TGM1: variants seen among roughly 807,000 people sequenced by gnomAD.
TGM1 encodes protein-glutamine gamma-glutamyltransferase K.
In TGM1, 63 loss-of-function variants were observed where a neutral mutation model predicts 88.7. The ratio of observed to expected loss-of-function variants is 0.71; its 90% CI spans 0.58 to 0.88. TGM1 has a LOEUF of 0.88. Among genes scored for constraint, TGM1 ranks in the 40% least tolerant of loss-of-function variants. The pLI is 0.00. For synonymous variants in TGM1, 415 were observed against 431.1 expected, an observed-to-expected ratio of 0.96 and a Z score of 0.46; for missense variants, 996 against 1,118.0, an observed-to-expected ratio of 0.89 and a Z score of 1.56.
chr14:24,257,547 C>G (rs2040764248), intron 9 of TGM1, among the ~76,000 whole-genome samples: 2 of 152,166 alleles, frequency 1.3e-5, no homozygotes, highest in East Asian at 3.8e-4. Context: ...AGCAATGGAA[C>G]AGACAGGAAG....
rs2040742823 is a variant in TGM1 at position 24,255,460 on chromosome 14, A to G, written c.1549T>C (p.Tyr517His). 1 of 1,613,980 alleles carries G rather than the reference A, an allele frequency of 6.2e-7. No homozygotes were observed. The highest frequency in any genetic ancestry group is 1.1e-5 in the South Asian group (1 of 91,074). The part of the protein sequence containing the change: ...RQDDGSFKIV[Y>H]VEEKAIGTLI... ...GTGCCGATGGCCTTCTCCTCCACATAAACAATCTTGAAGCTGCCATCATCC... is the reference window on the plus strand; with the variant it reads ...GTGCCGATGGCCTTCTCCTCCACATGAACAATCTTGAAGCTGCCATCATCC... The change falls in exon 11 of 15, where the codon TAT becomes CAT. Residue 517 changes from tyrosine (Y) to histidine (H), a missense_variant. By Grantham distance (83) the Tyr-to-His change is moderately conservative. Coordinates refer to ENST00000206765, the MANE Select transcript of TGM1 (RefSeq NM_000359.3). This position sits in a 1 kb window ranked among gnomAD's most constrained non-coding sequence, Gnocchi z 4.0.
At chr14:24,260,802 G>T in intron 3 of TGM1, 104 bp from the exon 4 acceptor site, 1 of 1,487,434 alleles carries the variant, frequency 6.7e-7, no homozygotes, top group Admixed American at 1.7e-5. Context: ...GAGCCACTGT[G>T]TATGTCCCTA....
chr14:24,256,800 A>G (rs2040755170), intron 9 of TGM1, among the ~76,000 whole-genome samples: 1 of 152,232 alleles, frequency 6.6e-6, no homozygotes, highest in African/African-American at 2.4e-5. Flanking sequence ...AGTTCATGCC[A>G]GGATCTCACA....
rs753278878 is a variant in TGM1, at chr14:24,255,161, C to A, written c.1738G>T (p.Ala580Ser). Residue 580 changes from alanine to serine, a missense_variant, in exon 12 of 15, where the codon GCC becomes TCC. Coordinates refer to ENST00000206765, the MANE Select transcript of TGM1 (RefSeq NM_000359.3). This position sits in a 1 kb window ranked among gnomAD's most constrained non-coding sequence, Gnocchi z 4.0. ...YANRGSAEDV[A>S]MQVEAQDAVM... ...GCGTCCTGTGCCTCCACCTGCATGG[C>A]CACATCCTCCGCTGAGCCCCGGTTG... 2.5e-6 allele frequency: 4 copies of A among 1,614,110 alleles called. No individual in the cohort carries two copies. Among genetic ancestry groups the A allele is most frequent in the Non-Finnish European group, 3.4e-6 (4 of 1,180,042 alleles).
intron 14 of TGM1, among the ~76,000 whole-genome samples, chr14:24,250,179 T>TGTGTGTGTGAGAGAGAGAGAGAGA (rs138497842): frequency 9.2e-5 from 13 of 140,700 alleles, no homozygotes; most frequent in African/African-American, 3.5e-4. Context: ...TGTGTGTGTG[T>TGTGTGTGTGAGAGAGAGAGAGAGA]GAGAGAGACA....
rs746278667 is a variant in TGM1, at chr14:24,249,488, C to T, written c.2279G>A (p.Arg760Gln). The T allele has an allele frequency of 1.4e-5, 22 of 1,613,952 alleles. No homozygotes were observed. The highest frequency in any genetic ancestry group is 1.7e-5 in the Admixed American group (1 of 59,996). The change falls in exon 15 of 15, where the codon CGA becomes CAA. Residue 760 changes from arginine to glutamine, a missense_variant. Coordinates refer to ENST00000206765, the MANE Select transcript of TGM1 (RefSeq NM_000359.3). ...VTLRQSFVPVRPGPRQLIASL... is the reference protein window; with the variant it reads ...VTLRQSFVPVQPGPRQLIASL... ...GGCAATGAGCTGGCGGGGGCCTGGT[C>T]GCACAGGCACAAACGACTGGCGCAG...
At position 24,262,199 on chromosome 14, in the gene TGM1, A is replaced by AACAGCAGCC; in HGVS notation, c.145_153dup (p.Gly49_Cys51dup). 1.2e-6 allele frequency: 2 copies of AACAGCAGCC among 1,613,724 alleles called. No homozygotes were observed. Among genetic ancestry groups the AACAGCAGCC allele is most frequent in the Non-Finnish European group, 1.7e-6 (2 of 1,180,036 alleles). On this transcript the variant is annotated inframe_insertion, in exon 2 of 15. Transcript: ENST00000206765. ...TCGTCATCTGCCGCATTTCGGCATG[A>AACAGCAGCC]ACAGCAGCCACAGCAGCGAGCCCAG...
In TGM1 at chr14:24,259,342, A is replaced by G; in HGVS notation, c.985-93T>C. 1.6e-6 allele frequency: 2 copies of G among 1,258,268 alleles called. No homozygotes were observed. The highest frequency in any genetic ancestry group is 1.9e-4 in the Middle Eastern group (1 of 5,280). 77.9% of individuals were successfully genotyped at this position (1,258,268 alleles called of 1,614,324 possible). On this transcript the variant is annotated intron_variant, in intron 6 of 14. Transcript: ENST00000206765. The surrounding 1 kb of genome is among the most constrained non-coding windows in gnomAD (Gnocchi z 5.7). ...GGGACCAGCCGGGCCCCGATCCTGC[A>G]ACCACCCCTTACCCCTAAATGCCTC...
intron 14 of TGM1, among the ~76,000 whole-genome samples, chr14:24,252,421 G>C (rs956105826): frequency 1.3e-5 from 2 of 152,236 alleles, no homozygotes; most frequent in African/African-American, 2.4e-5. Flanking sequence ...GCCTGGTGGG[G>C]CTGCTGAGGC....
intron 12 of TGM1, 41 bp from the exon 13 acceptor site, chr14:24,254,865 T>C (rs778682252): frequency 1.2e-6 from 2 of 1,613,160 alleles, no homozygotes; most frequent in South Asian, 2.2e-5. Context: ...CCTGCTTCCC[T>C]ACATGAGGCT....
At chr14:24,250,435 CTCTA>C (rs1288465278) in intron 14 of TGM1, among the ~76,000 whole-genome samples, 1 of 152,120 alleles carries the variant, frequency 6.6e-6, no homozygotes, top group Non-Finnish European at 1.5e-5. Flanking sequence ...GATCCTGGCT[CTCTA>C]ACTTGACACA....
At chr14:24,261,662 G>A (rs1017458232) in intron 3 of TGM1, 33 bp downstream of exon 3, 4 of 1,613,348 alleles carry the variant, frequency 2.5e-6, no homozygotes, top group South Asian at 1.1e-5. Flanking sequence ...CAAACATAGG[G>A]CCTTCACCCG....
Position 24,258,556 on chromosome 14 carries a change from T to G in TGM1, c.1277A>C (p.His426Pro). ...YFDENMKPLE[H>P]LNHDSVWNFH... ...TCACCAGACAGAATCATGGTTCAGG[T>G]GCTCCAGGGGCTTCATGTTCTCGTC... The change falls in exon 8 of 15, where the codon CAC (histidine) becomes CCC (proline). Residue 426 changes from histidine to proline, a missense_variant. His to Pro is a moderately conservative substitution (Grantham distance 77). Transcript: ENST00000206765. The G allele has an allele frequency of 1.2e-6, 2 of 1,614,026 alleles. No individual in the cohort carries two copies.
chr14:24,250,308 A>T (rs1421259322), intron 14 of TGM1, among the ~76,000 whole-genome samples: 2 of 152,036 alleles, frequency 1.3e-5, no homozygotes, highest in Non-Finnish European at 2.9e-5. Flanking sequence ...TGATTTCACT[A>T]GTCCTCTAAC....
At chr14:24,258,458 C>G (rs1442724322) in intron 8 of TGM1, 70 bp from the exon 9 acceptor site, 3 of 1,604,382 alleles carry the variant, frequency 1.9e-6, no homozygotes, top group Non-Finnish European at 2.6e-6. Flanking sequence ...CCCAGCCTCC[C>G]CAGCCCTGCC....
intron 9 of TGM1, 52 bp downstream of exon 9, chr14:24,258,233 C>T: frequency 6.8e-7 from 1 of 1,464,628 alleles, no homozygotes. Context: ...CTGTGTTAAT[C>T]AGGTGGGGGA....
At chr14:24,257,791 CT>C (rs1278523346) in intron 9 of TGM1, among the ~76,000 whole-genome samples, 1 of 152,050 alleles carries the variant, frequency 6.6e-6, no homozygotes, top group Non-Finnish European at 1.5e-5. Flanking sequence ...TAGAAATTTA[CT>C]TTAAAAATAT....
At chr14:24,258,100 A>G (rs1282025630) in intron 9 of TGM1, among the ~76,000 whole-genome samples, 185 bp downstream of exon 9, 1 of 152,242 alleles carries the variant, frequency 6.6e-6, no homozygotes, top group Non-Finnish European at 1.5e-5. Context: ...GCAAATAGAG[A>G]GTTATATAGA....
chr14:24,261,394 G>A (rs753337663), intron 3 of TGM1, among the ~76,000 whole-genome samples: 1 of 152,158 alleles, frequency 6.6e-6, no homozygotes, highest in African/African-American at 2.4e-5. Context: ...TGGGGAATGA[G>A]AACAGATGCA....
Sources: gnomAD v4.1 joint callset for allele counts (sites outside exome capture counted in the v4.1 genomes callset) on GRCh38, gnomAD v4.1.1 for gene constraint, Gnocchi (gnomAD v3.1) non-coding constraint, MANE v1.5 for transcripts, NCBI Gene and HGNC (gene_info 2026-07-23, HGNC 2026-07-21) for gene names.